Variants in TRIM5 observed in about 807,000 individuals in gnomAD.
TRIM5 encodes tripartite motif-containing protein 5.
In TRIM5, 31 loss-of-function variants were observed where a neutral mutation model predicts 35.6. The observed-to-expected ratio is 0.87, with a 90% CI of 0.65 to 1.18. The LOEUF is 1.18. Ranked by LOEUF, TRIM5 falls within the 50% of genes most tolerant of loss-of-function variation. The pLI, the probability that TRIM5 is intolerant of heterozygous loss-of-function variation, is 0.00. For synonymous variants in TRIM5, 243 were observed against 215.6 expected, an observed-to-expected ratio of 1.13 and a Z score of -1.11; for missense variants, 609 against 591.6, an observed-to-expected ratio of 1.03 and a Z score of -0.31.
chr11:5,602,387 G>A, the TRIM5 span, among the ~76,000 whole-genome samples: 885 of 151,974 alleles, frequency 5.8e-3, 11 homozygotes, highest in African/African-American at 0.02. Context: ...AGCTTGCAGT[G>A]AGTCGAGATC....
the TRIM5 span, among the ~76,000 whole-genome samples, chr11:5,625,497 G>A: frequency 6.6e-6 from 1 of 152,176 alleles, no homozygotes; most frequent in Admixed American, 6.5e-5. Flanking sequence ...AGTGTGTGCA[G>A]GGCTTAGCTC....
rs781242526 is a variant in TRIM5, at chr11:5,679,896, A to G, written c.282T>C (p.His94=). ...KLSPEGQKVD[H]CARHGEKLLL... Reference sequence around the variant, plus strand: ...GAAGTTTCTCTCCATGGCGTGCACAATGATCAACTTTCTGCCCCTCTGGGC... The same window carrying G: ...GAAGTTTCTCTCCATGGCGTGCACAGTGATCAACTTTCTGCCCCTCTGGGC... The change falls in exon 2 of 8, where the codon CAT becomes CAC. Residue 94 remains histidine, a synonymous_variant. Coordinates refer to ENST00000380034, the MANE Select transcript of TRIM5 (RefSeq NM_033034.3). The G allele has an allele frequency of 1.4e-5, 23 of 1,613,854 alleles. No homozygotes were observed. Among genetic ancestry groups the G allele is most frequent in the Admixed American group, 1.3e-4 (8 of 59,988 alleles).
the TRIM5 span, chr11:5,590,271 GC>G: frequency 2.0e-4 from 32 of 158,964 alleles, no homozygotes; most frequent in African/African-American, 6.5e-4. Flanking sequence ...CGGGTGCATG[GC>G]GCAGGACTGG....
chr11:5,646,119 A>G, the TRIM5 span, among the ~76,000 whole-genome samples: 2 of 149,798 alleles, frequency 1.3e-5, no homozygotes, highest in African/African-American at 4.9e-5. Context: ...ATACATATAC[A>G]CACGTACACA....
the TRIM5 span, among the ~76,000 whole-genome samples, chr11:5,631,688 A>G: frequency 6.6e-6 from 1 of 152,190 alleles, no homozygotes; most frequent in African/African-American, 2.4e-5. Flanking sequence ...GCTATTGAAG[A>G]ATTTCCAAAT....
chr11:5,661,463 A>G (rs1274784276), downstream of TRIM5, among the ~76,000 whole-genome samples: 1 of 151,444 alleles, frequency 6.6e-6, no homozygotes, highest in African/African-American at 2.4e-5. Flanking sequence ...CCCATTCTTT[A>G]CTCAGTGTCC....
chr11:5,642,390 T>A, the TRIM5 span: 6 of 1,608,270 alleles, frequency 3.7e-6, no homozygotes, highest in East Asian at 1.1e-4. Flanking sequence ...GGTCAAAAAA[T>A]TTTTTTCATC....
chr11:5,596,755 T>C, the TRIM5 span: 46 of 1,272,376 alleles, frequency 3.6e-5, no homozygotes, highest in Non-Finnish European at 5.0e-5. Context: ...CGGAGCAGAG[T>C]CGTGCGTGGT....
At chr11:5,651,126 G>A in the TRIM5 span, among the ~76,000 whole-genome samples, 1 of 152,178 alleles carries the variant, frequency 6.6e-6, no homozygotes. Flanking sequence ...ACTAGGTCCT[G>A]TGCCTCTCTT....
chr11:5,670,331 C>T (rs1452778945), intron 4 of TRIM5, among the ~76,000 whole-genome samples: 1 of 138,298 alleles, frequency 7.2e-6, no homozygotes, highest in Non-Finnish European at 1.7e-5. Context: ...GCTCCCACCA[C>T]CACACCCAGC....
chr11:5,614,376 C>T, the TRIM5 span, among the ~76,000 whole-genome samples: 6 of 152,276 alleles, frequency 3.9e-5, no homozygotes, highest in East Asian at 1.9e-4. Flanking sequence ...GGGGAGAAAA[C>T]GTGCTTTTTA....
chr11:5,639,679 CAAAAAAAAAAAAA>C, the TRIM5 span, among the ~76,000 whole-genome samples: 8 of 51,130 alleles, frequency 1.6e-4, no homozygotes, highest in East Asian at 7.0e-4. Flanking sequence ...GACTCTATTT[CAAAAAAAAAAAAA>C]AAAAAAAAAA....
the TRIM5 span, among the ~76,000 whole-genome samples, chr11:5,631,850 T>C: frequency 6.6e-6 from 1 of 151,998 alleles, no homozygotes. Flanking sequence ...CTAATCTACA[T>C]GTAGATTATG....
chr11:5,630,039 G>T, the TRIM5 span, among the ~76,000 whole-genome samples: 1 of 152,072 alleles, frequency 6.6e-6, no homozygotes, highest in Non-Finnish European at 1.5e-5. Flanking sequence ...ACAAGACCAT[G>T]TGACCATGTG....
chr11:5,610,665 A>C, the TRIM5 span: 3 of 1,563,850 alleles, frequency 1.9e-6, no homozygotes, highest in Non-Finnish European at 2.6e-6. Flanking sequence ...TGCCTCCCCC[A>C]TCCCCGCCAT....
At chr11:5,607,167 G>T in the TRIM5 span, among the ~76,000 whole-genome samples, 1 of 152,028 alleles carries the variant, frequency 6.6e-6, no homozygotes, top group Non-Finnish European at 1.5e-5. Context: ...TCGCACCACT[G>T]CACTCCAGCC....
At chr11:5,616,658 G>C in the TRIM5 span, among the ~76,000 whole-genome samples, 1 of 144,456 alleles carries the variant, frequency 6.9e-6, no homozygotes, top group South Asian at 2.3e-4. Context: ...AGGGTTCCAA[G>C]ATTTGAAACA....
chr11:5,611,148 T>C, the TRIM5 span: 2 of 1,614,186 alleles, frequency 1.2e-6, no homozygotes, highest in South Asian at 2.2e-5. Context: ...CCTGCTTCTC[T>C]CCATGACAGT....
At chr11:5,606,337 G>A in the TRIM5 span, among the ~76,000 whole-genome samples, 4 of 152,178 alleles carry the variant, frequency 2.6e-5, no homozygotes, top group Admixed American at 1.3e-4. Context: ...TTGATGGAGG[G>A]ACTTGAACTG....
Sources: allele counts gnomAD v4.1 joint callset (sites outside exome capture counted in the v4.1 genomes callset), GRCh38; gene constraint gnomAD v4.1.1; transcripts MANE v1.5; gene names NCBI Gene and HGNC (gene_info 2026-07-23, HGNC 2026-07-21).